The following MYOM1 variants were observed in gnomAD, a reference collection of about 807,000 sequenced individuals.
MYOM1 encodes myomesin 1, also known as myomesin-1.
In MYOM1, 164 loss-of-function variants were observed where a neutral mutation model predicts 205.3. That is an observed-to-expected ratio of 0.80 (90% CI 0.70 to 0.91). The LOEUF is 0.91. Ranked by LOEUF, MYOM1 falls within the 40% of genes least tolerant of loss-of-function variation. The pLI is 0.00. For missense variants in MYOM1, 2,011 were observed against 2,127.3 expected (o/e 0.95, Z 1.08); for synonymous variants, 772 against 789.4 (o/e 0.98, Z 0.37).
At chr18:3,212,450 A>G (rs1022057868) in intron 2 of MYOM1, among the ~76,000 whole-genome samples, 16 of 152,348 alleles carry the variant, frequency 1.1e-4, no homozygotes, top group East Asian at 7.7e-4. Flanking sequence ...GATATATCAG[A>G]CTATGAATAA....
At chr18:3,071,919 C>A in intron 36 of MYOM1, 30 bp from the exon 37 acceptor site, 3 of 1,589,580 alleles carry the variant, frequency 1.9e-6, no homozygotes, top group Non-Finnish European at 2.6e-6. Context: ...GGGTTAATCA[C>A]TGCAGTGGCA....
intron 26 of MYOM1, among the ~76,000 whole-genome samples, chr18:3,092,471 G>A (rs537342537): frequency 1.1e-3 from 174 of 152,326 alleles, no homozygotes; most frequent in African/African-American, 3.9e-3. Flanking sequence ...GGGATTACAC[G>A]TGTGAGCCAC....
At chr18:3,086,184 A>G (rs898323886) in intron 29 of MYOM1, 33 bp from the exon 30 acceptor site, 2 of 1,380,060 alleles carry the variant, frequency 1.4e-6, no homozygotes, top group Non-Finnish European at 1.0e-6. Context: ...TTTTCTTAAA[A>G]TAAGAAAGTG....
At chr18:3,096,985 G>A (rs950756394) in intron 25 of MYOM1, among the ~76,000 whole-genome samples, 1 of 151,820 alleles carries the variant, frequency 6.6e-6, no homozygotes, top group African/African-American at 2.4e-5. Context: ...CTTTTCTCTG[G>A]CAGTTAATGT....
rs777343257 is a variant in MYOM1, at chr18:3,179,346, A to G, written c.930-3212T>C. Reference sequence around the variant, plus strand: ...AGTTCTGACAAGCATATATGTCATGATATGGATGATTTTATTTTAAATAAA... The same window carrying G: ...AGTTCTGACAAGCATATATGTCATGGTATGGATGATTTTATTTTAAATAAA... On this transcript the variant is annotated intron_variant, in intron 5 of 37. Transcript: ENST00000356443. This position sits in a 1 kb window ranked among gnomAD's most constrained non-coding sequence, Gnocchi z 4.4. 2.0e-5 allele frequency among the ~76,000 whole-genome samples: 3 copies of G among 152,122 alleles called. No homozygotes were observed. The highest frequency in any genetic ancestry group is 4.4e-5 in the Non-Finnish European group (3 of 68,028).
the MYOM1 span, chr18:3,246,660 CTG>C: frequency 6.6e-6 from 1 of 152,256 alleles, no homozygotes; most frequent in South Asian, 2.1e-4. Context: ...TACAGCAACA[CTG>C]TCCGTTCCAG....
At chr18:3,176,198 C>CA in intron 5 of MYOM1, 64 bp from the exon 6 acceptor site, 3 of 931,866 alleles carry the variant, frequency 3.2e-6, no homozygotes, top group Non-Finnish European at 5.2e-6. Flanking sequence ...ATTAAACACA[C>CA]ACACAATTCT....
intron 2 of MYOM1, among the ~76,000 whole-genome samples, chr18:3,197,443 A>T (rs1177649802): frequency 1.3e-5 from 2 of 152,040 alleles, no homozygotes; most frequent in Non-Finnish European, 2.9e-5. Flanking sequence ...CTCTCAATTT[A>T]AAAAAATTGG....
At chr18:3,177,193 C>G (rs990337877) in intron 5 of MYOM1, among the ~76,000 whole-genome samples, 1 of 145,216 alleles carries the variant, frequency 6.9e-6, no homozygotes, top group South Asian at 2.2e-4. Context: ...GAGCTATGAT[C>G]GCACCACTGC....
chr18:3,155,515 C>T (rs980758528), intron 10 of MYOM1, among the ~76,000 whole-genome samples: 4 of 152,338 alleles, frequency 2.6e-5, no homozygotes, highest in South Asian at 2.1e-4. Flanking sequence ...TGAGCCATCA[C>T]ACCCGGCCAA....
chr18:3,199,488 C>G (rs2081037987), intron 2 of MYOM1, among the ~76,000 whole-genome samples: 1 of 152,190 alleles, frequency 6.6e-6, no homozygotes, highest in Non-Finnish European at 1.5e-5. Context: ...AGCCTGTGCA[C>G]ATGTGCAGAG....
At chr18:3,149,236 T>G in intron 12 of MYOM1, 35 bp from the exon 13 acceptor site, 3 of 1,578,532 alleles carry the variant, frequency 1.9e-6, no homozygotes, top group Non-Finnish European at 2.6e-6. Context: ...CACAAACGTT[T>G]ACAAGTGTGC....
upstream of MYOM1, among the ~76,000 whole-genome samples, chr18:3,224,188 C>A (rs1011776718): frequency 1.3e-5 from 2 of 152,078 alleles, no homozygotes; most frequent in Admixed American, 1.3e-4. Context: ...GCCTTGTCAC[C>A]CGGCTAATTT....
intron 14 of MYOM1, among the ~76,000 whole-genome samples, chr18:3,138,512 C>A (rs941108636): frequency 4.6e-5 from 7 of 152,156 alleles, no homozygotes; most frequent in Non-Finnish European, 8.8e-5. Flanking sequence ...GCAAATTTGA[C>A]AAGGTAACCT....
At chr18:3,206,723 A>G (rs1320668103) in intron 2 of MYOM1, among the ~76,000 whole-genome samples, 1 of 152,148 alleles carries the variant, frequency 6.6e-6, no homozygotes, top group Non-Finnish European at 1.5e-5. Context: ...CTTGACACAC[A>G]TGGAGGTTTC....
intron 2 of MYOM1, among the ~76,000 whole-genome samples, chr18:3,202,321 C>A (rs887648214): frequency 6.6e-6 from 1 of 151,948 alleles, no homozygotes; most frequent in Non-Finnish European, 1.5e-5. Flanking sequence ...GACATAAATA[C>A]AACCATATCA....
At chr18:3,153,339 G>A (rs1027399569) in intron 11 of MYOM1, among the ~76,000 whole-genome samples, 1 of 152,158 alleles carries the variant, frequency 6.6e-6, no homozygotes, top group African/African-American at 2.4e-5. Flanking sequence ...GTGGTCTCGG[G>A]CCTCATTTCC....
At chr18:3,075,394 A>G in intron 36 of MYOM1, 60 bp downstream of exon 36, 2 of 1,515,044 alleles carry the variant, frequency 1.3e-6, no homozygotes, top group Non-Finnish European at 1.8e-6. Context: ...AGCAAAATAA[A>G]ATTATCTTTT....
intron 25 of MYOM1, among the ~76,000 whole-genome samples, chr18:3,095,102 C>G (rs2143730841): frequency 6.6e-6 from 1 of 152,276 alleles, no homozygotes; most frequent in South Asian, 2.1e-4. Context: ...CTACCAAGTT[C>G]AGTGTGATAC....
Sources: gnomAD v4.1 joint callset for allele counts (sites outside exome capture counted in the v4.1 genomes callset) on GRCh38, gnomAD v4.1.1 for gene constraint, Gnocchi (gnomAD v3.1) non-coding constraint, MANE v1.5 for transcripts, NCBI Gene and HGNC (gene_info 2026-07-23, HGNC 2026-07-21) for gene names.